The following SNX29 variants were observed in gnomAD, a reference collection of about 807,000 sequenced individuals.
The protein encoded by SNX29 is sorting nexin 29.
SNX29 carries 78 observed loss-of-function variants against 102.1 expected under a neutral mutation model. That is an observed-to-expected ratio of 0.76 (90% CI 0.64 to 0.92). The LOEUF is 0.92. Ranked by LOEUF, SNX29 falls within the 40% of genes least tolerant of loss-of-function variation. The pLI is 0.00. For missense variants in SNX29, 1,280 were observed against 1,061.7 expected (o/e 1.21, Z -2.86); for synonymous variants, 580 against 414.5 (o/e 1.40, Z -4.85).
chr16:12,548,382 A>AC (rs1180696473), intron 20 of SNX29, among the ~76,000 whole-genome samples: 1 of 152,124 alleles, frequency 6.6e-6, no homozygotes, highest in African/African-American at 2.4e-5. Context: ...GGAGTCCCAC[A>AC]CCTTCTAAGG....
chr16:12,522,766 C>T (rs1262166853), intron 19 of SNX29, among the ~76,000 whole-genome samples: 1 of 152,182 alleles, frequency 6.6e-6, no homozygotes, highest in African/African-American at 2.4e-5. Flanking sequence ...CCAGTTAAAC[C>T]TCTTTTCTGT....
intron 14 of SNX29, among the ~76,000 whole-genome samples, chr16:12,210,739 C>CGTTCCCTCCCT (rs1567315362): frequency 2.0e-5 from 3 of 152,022 alleles, no homozygotes; most frequent in Admixed American, 6.6e-5. Flanking sequence ...CTCCCTCCCT[C>CGTTCCCTCCCT]ATTCCCTCCC....
chr16:12,322,748 GGAGT>G (rs2080980880), intron 15 of SNX29, among the ~76,000 whole-genome samples: 1 of 151,152 alleles, frequency 6.6e-6, no homozygotes, highest in African/African-American at 2.4e-5. Context: ...TGCAGTCACT[GGAGT>G]TACTGGGGGA....
intron 20 of SNX29, among the ~76,000 whole-genome samples, chr16:12,553,743 A>T (rs1396581227): frequency 6.6e-6 from 1 of 151,148 alleles, no homozygotes; most frequent in African/African-American, 2.4e-5. Context: ...ACATGCCACC[A>T]CCCCCAGCCT....
chr16:12,258,376 C>T (rs553403213), intron 14 of SNX29, among the ~76,000 whole-genome samples: 25 of 152,234 alleles, frequency 1.6e-4, no homozygotes, highest in Admixed American at 9.2e-4. Context: ...ACATTCCCCC[C>T]GTGATAGCCC....
intron 13 of SNX29, among the ~76,000 whole-genome samples, chr16:12,156,776 C>T (rs1016671082): frequency 1.3e-5 from 2 of 152,214 alleles, no homozygotes; most frequent in Admixed American, 6.5e-5. Flanking sequence ...TCTGTTTATC[C>T]AACGTCAGGA....
At chr16:12,108,398 T>TG (rs2053357136) in intron 11 of SNX29, among the ~76,000 whole-genome samples, 1 of 152,160 alleles carries the variant, frequency 6.6e-6, no homozygotes, top group Non-Finnish European at 1.5e-5. Context: ...GGGCTGGACT[T>TG]GACCATGGGA....
chr16:12,074,056 T>C (rs1274759921), intron 10 of SNX29, among the ~76,000 whole-genome samples: 1 of 152,082 alleles, frequency 6.6e-6, no homozygotes, highest in African/African-American at 2.4e-5. Context: ...TTTGAGCCTA[T>C]GTGTGTCTCT....
chr16:12,198,666 C>T (rs545076246), intron 13 of SNX29, among the ~76,000 whole-genome samples: 7 of 152,186 alleles, frequency 4.6e-5, no homozygotes, highest in Non-Finnish European at 8.8e-5. Flanking sequence ...GGCGAAGAGT[C>T]CTTGTGGGCC....
At chr16:12,545,222 A>G (rs1390098493) in intron 20 of SNX29, among the ~76,000 whole-genome samples, 1 of 152,216 alleles carries the variant, frequency 6.6e-6, no homozygotes. Flanking sequence ...GCAGGCAATG[A>G]CAGGGAAAGG....
chr16:12,436,305 C>G (rs775547176), intron 18 of SNX29, among the ~76,000 whole-genome samples: 2 of 152,160 alleles, frequency 1.3e-5, no homozygotes, highest in Admixed American at 6.5e-5. Context: ...ACAGACGTTT[C>G]TATTCGGAGA....
In SNX29 at chr16:12,315,202, G is replaced by T. The variant is rs578104029; in HGVS notation, c.1782+37166G>T. Reference sequence around the variant, plus strand: ...AGAGTGGCCAGGTGCATTGGACCGGGCTTCAGTGGGGCCTCCCAGTTGAGA... The same window carrying T: ...AGAGTGGCCAGGTGCATTGGACCGGTCTTCAGTGGGGCCTCCCAGTTGAGA... On this transcript the variant is annotated intron_variant, in intron 15 of 20. Transcript: ENST00000566228. Among the ~76,000 whole-genome samples the T allele has an allele frequency of 9.8e-5, 15 of 152,286 alleles. No homozygotes were observed. In the South Asian group the frequency reaches 1.2e-3, roughly 13 times the overall value.
intron 18 of SNX29, among the ~76,000 whole-genome samples, chr16:12,459,715 G>C (rs1038842038): frequency 1.3e-5 from 2 of 152,174 alleles, no homozygotes; most frequent in African/African-American, 4.8e-5. Flanking sequence ...GAGCAGAGCA[G>C]CATGGCCTCG....
At chr16:12,468,481 G>T (rs530866148) in intron 18 of SNX29, among the ~76,000 whole-genome samples, 1 of 152,090 alleles carries the variant, frequency 6.6e-6, no homozygotes, top group South Asian at 2.1e-4. Context: ...CAATATTTTG[G>T]TTGCAGATCA....
intron 13 of SNX29, among the ~76,000 whole-genome samples, chr16:12,139,623 C>G (rs1187594693): frequency 6.6e-6 from 1 of 152,122 alleles, no homozygotes; most frequent in Non-Finnish European, 1.5e-5. Flanking sequence ...TCGTTTGCCC[C>G]AAGATGTATT....
intron 14 of SNX29, among the ~76,000 whole-genome samples, chr16:12,243,217 A>C (rs1399870129): frequency 6.6e-6 from 1 of 152,198 alleles, no homozygotes; most frequent in Non-Finnish European, 1.5e-5. Context: ...GAATAAGCTA[A>C]ATGTGCATTT....
intron 19 of SNX29, among the ~76,000 whole-genome samples, chr16:12,503,948 G>T (rs1486142652): frequency 6.6e-6 from 1 of 152,156 alleles, no homozygotes; most frequent in Non-Finnish European, 1.5e-5. Flanking sequence ...GCACAAGTCA[G>T]TGGCTCTTAG....
intron 4 of SNX29, among the ~76,000 whole-genome samples, chr16:12,042,205 A>G (rs1426235244): frequency 2.0e-5 from 3 of 151,998 alleles, no homozygotes; most frequent in Non-Finnish European, 2.9e-5. Context: ...TAATTTTTGC[A>G]TTTTTAGTAG....
intron 20 of SNX29, among the ~76,000 whole-genome samples, chr16:12,543,953 T>G (rs1254768349): frequency 9.9e-5 from 15 of 152,172 alleles, no homozygotes. Flanking sequence ...GCGAGGAGCC[T>G]ATCTGCTGGG....
Sources: allele counts gnomAD v4.1 joint callset (sites outside exome capture counted in the v4.1 genomes callset), GRCh38; gene constraint gnomAD v4.1.1; transcripts MANE v1.5; gene names NCBI Gene and HGNC (gene_info 2026-07-23, HGNC 2026-07-21).